Variants in ST3GAL2 observed in about 807,000 individuals in gnomAD.
The protein encoded by ST3GAL2 is CMP-N-acetylneuraminate-beta-galactosamide-alpha-2,3-sialyltransferase 2.
In ST3GAL2, 16 loss-of-function variants were observed where a neutral mutation model predicts 37.5. The ratio of observed to expected loss-of-function variants is 0.43; its 90% CI spans 0.29 to 0.65. ST3GAL2 has a LOEUF of 0.65. Ranked by LOEUF, ST3GAL2 falls within the 30% of genes least tolerant of loss-of-function variation. The pLI is 0.17. For missense variants in ST3GAL2, 383 were observed against 487.8 expected, an observed-to-expected ratio of 0.79 and a Z score of 2.02; for synonymous variants, 238 against 202.9, an observed-to-expected ratio of 1.17 and a Z score of -1.47.
intron 4 of ST3GAL2, among the ~76,000 whole-genome samples, chr16:70,383,676 G>T (rs1250004269): frequency 7.1e-6 from 1 of 140,758 alleles, no homozygotes; most frequent in Non-Finnish European, 1.5e-5. Context: ...AGGAAGAAAA[G>T]ATAACATTTC....
rs1339286777 is a variant in ST3GAL2 at position 70,376,915 on chromosome 16, G to GT, written c.*4773dup. ...TGCCACTAAGCCTGGCCAATTTTTT[G>GT]TATTTTTAGTAGAGACGGGGTTTCA... is the stretch of plus-strand genomic sequence containing the variant. On this transcript the variant is annotated 3_prime_UTR_variant, in exon 7 of 7. Transcript: ENST00000342907. 2.0e-5 allele frequency: 3 copies of GT among 151,852 alleles called. No homozygotes were observed. The highest frequency in any genetic ancestry group is 4.4e-5 in the Non-Finnish European group (3 of 67,972). 9.4% of individuals were successfully genotyped at this position (151,852 alleles called of 1,614,324 possible).
At chr16:70,398,170 G>A (rs982903969) in intron 2 of ST3GAL2, 22 bp downstream of exon 2, 11 of 1,603,670 alleles carry the variant, frequency 6.9e-6, no homozygotes, top group Non-Finnish European at 9.4e-6. Context: ...ACAGATCCCT[G>A]GAAGGGAGCA....
At chr16:70,381,961 C>CG in intron 6 of ST3GAL2, 99 bp from the exon 7 acceptor site, 1 of 1,498,204 alleles carries the variant, frequency 6.7e-7, no homozygotes, top group Non-Finnish European at 9.0e-7. Flanking sequence ...CGGGAGGCCC[C>CG]GGGGAGATGC....
In ST3GAL2 at chr16:70,398,425, A is replaced by T; in HGVS notation, c.106T>A (p.Tyr36Asn). Residue 36 changes from tyrosine to asparagine, a missense_variant, in exon 2 of 7, where the codon TAC becomes AAC. By Grantham distance (143) the Tyr-to-Asn change is moderately radical. This residue lies in a region of ST3GAL2 where 223 missense variants were observed against 239.1 expected (regional missense o/e 0.93). Coordinates refer to ENST00000342907, the MANE Select transcript of ST3GAL2 (RefSeq NM_006927.4). ...YSHHSMATLP[Y>N]LDSGALDGTH... ...CCATCCAGGGCCCCTGAGTCCAGGT[A>T]GGGGAGCGTGGCCATGCTGTGGTGC... 6.2e-7 allele frequency: 1 copy of T among 1,613,664 alleles called. No individual in the cohort carries two copies. The highest frequency in any genetic ancestry group is 8.5e-7 in the Non-Finnish European group (1 of 1,179,980).
intron 1 of ST3GAL2, among the ~76,000 whole-genome samples, chr16:70,424,080 CA>C (rs2047734215): frequency 6.6e-6 from 1 of 150,822 alleles, no homozygotes; most frequent in Non-Finnish European, 1.5e-5. Context: ...CAAAACAAAA[CA>C]AAAAAAGCCA....
In ST3GAL2 at chr16:70,379,419, C is replaced by G. The variant is rs575084448; in HGVS notation, c.*2270G>C. 15 of 152,326 alleles carry G rather than the reference C, an allele frequency of 9.8e-5. No individual in the cohort carries two copies. The highest frequency in any genetic ancestry group is 5.2e-4 in the Admixed American group (8 of 15,286). 9.4% of individuals were successfully genotyped at this position (152,326 alleles called of 1,614,324 possible). ...GGAGTCATCTCGCCCCTCCCATATC[C>G]CCCAACGTTCTCAGCCATTATCAGT... On this transcript the variant is annotated 3_prime_UTR_variant, in exon 7 of 7. Transcript: ENST00000342907.
At position 70,395,205 on chromosome 16, in the gene ST3GAL2, AG is replaced by A. The variant is rs555102417; in HGVS notation, c.340-31del. ...GGAAGGGAGGGGAAGATGGGAAACG[AG>A]GAAGGGGAGAGGTGTGTGAAGAAGG... is the stretch of plus-strand genomic sequence containing the variant. On this transcript the variant is annotated intron_variant, in intron 2 of 6. Transcript: ENST00000342907. 169 of 1,582,630 alleles carry A rather than the reference AG, an allele frequency of 1.1e-4. 2 individuals are homozygous for A. The East Asian group carries it at 3.6e-3, about 34-fold the overall frequency.
intron 1 of ST3GAL2, among the ~76,000 whole-genome samples, chr16:70,435,306 A>C (rs1170211175): frequency 2.0e-5 from 3 of 152,206 alleles, no homozygotes; most frequent in African/African-American, 7.2e-5. Context: ...AAGACTTTAC[A>C]TCTAGCTGGC....
chr16:70,388,031 G>A (rs1360569691), intron 4 of ST3GAL2, among the ~76,000 whole-genome samples: 1 of 151,278 alleles, frequency 6.6e-6, no homozygotes, highest in Non-Finnish European at 1.5e-5. Context: ...AGAATCGCTT[G>A]AACCCGGGAG....
chr16:70,412,023 T>C (rs2047641927), intron 1 of ST3GAL2, among the ~76,000 whole-genome samples: 1 of 152,184 alleles, frequency 6.6e-6, no homozygotes, highest in Admixed American at 6.5e-5. Flanking sequence ...TTAATTCAAT[T>C]TACCAACATA....
chr16:70,434,170 G>T (rs1385180674), intron 1 of ST3GAL2, among the ~76,000 whole-genome samples: 1 of 152,170 alleles, frequency 6.6e-6, no homozygotes, highest in East Asian at 1.9e-4. Flanking sequence ...CAGGCACAGT[G>T]TCTCACACCT....
At chr16:70,416,066 G>C (rs1335639513) in intron 1 of ST3GAL2, among the ~76,000 whole-genome samples, 3 of 151,898 alleles carry the variant, frequency 2.0e-5, no homozygotes, top group Admixed American at 6.6e-5. Context: ...GTGAGCCACC[G>C]AGCCCAGCTT....
intron 1 of ST3GAL2, among the ~76,000 whole-genome samples, chr16:70,438,312 G>T (rs2047840604): frequency 1.3e-5 from 2 of 152,162 alleles, no homozygotes; most frequent in South Asian, 4.1e-4. Flanking sequence ...CCATTCCAAG[G>T]CAGAGAAGGA....
At chr16:70,382,744 G>T (rs534866747) in intron 6 of ST3GAL2, 61 bp downstream of exon 6, 1 of 1,606,032 alleles carries the variant, frequency 6.2e-7, no homozygotes, top group African/African-American at 1.3e-5. Context: ...GCTAAGACCC[G>T]AGAAGGCCTG....
At chr16:70,418,075 T>C (rs1402158783) in intron 1 of ST3GAL2, among the ~76,000 whole-genome samples, 2 of 152,222 alleles carry the variant, frequency 1.3e-5, no homozygotes, top group Non-Finnish European at 1.5e-5. Flanking sequence ...TTTTTCCTTC[T>C]GTACTCGTCT....
At chr16:70,381,988 G>C in intron 6 of ST3GAL2, 126 bp from the exon 7 acceptor site, 1 of 1,240,212 alleles carries the variant, frequency 8.1e-7, no homozygotes, top group Non-Finnish European at 1.1e-6. Flanking sequence ...CCCCAGGCCT[G>C]GCCTAAGGAC....
Position 70,394,990 on chromosome 16 carries a change from GAA to G in ST3GAL2, c.523_524del (p.Phe175HisfsTer13). 2 of 1,612,960 alleles carry G rather than the reference GAA, an allele frequency of 1.2e-6. No individual in the cohort carries two copies. The highest frequency in any genetic ancestry group is 1.7e-6 in the Non-Finnish European group (2 of 1,179,698). On this transcript the variant is annotated frameshift_variant, in exon 3 of 7. Coordinates refer to ENST00000342907, the MANE Select transcript of ST3GAL2 (RefSeq NM_006927.4). LOFTEE classifies it high-confidence loss of function. ...GYGQDVDGHNFIMRMNQAPTV... is the reference protein window; with the variant it reads ...GYGQDVDGHNXIMRMNQAPTV... ...GCTCCACAGGGGCTCACCTCATGATGAAGTTGTGCCCGTCCACGTCCTGCCCA... is the reference window on the plus strand; with the variant it reads ...GCTCCACAGGGGCTCACCTCATGATGGTTGTGCCCGTCCACGTCCTGCCCA...
intron 1 of ST3GAL2, among the ~76,000 whole-genome samples, chr16:70,420,866 G>A (rs1451544025): frequency 6.6e-6 from 1 of 152,226 alleles, no homozygotes; most frequent in East Asian, 1.9e-4. Flanking sequence ...CAGAGTGAAG[G>A]TATAGAAATG....
intron 1 of ST3GAL2, among the ~76,000 whole-genome samples, chr16:70,407,730 G>A (rs2047602397): frequency 6.6e-6 from 1 of 152,174 alleles, no homozygotes; most frequent in South Asian, 2.1e-4. Flanking sequence ...ACCTGATTGA[G>A]GAGCAAAGCA....
Sources: allele counts gnomAD v4.1 joint callset (sites outside exome capture counted in the v4.1 genomes callset), GRCh38; gene constraint gnomAD v4.1.1; regional missense constraint gnomAD v4.1.1; transcripts MANE v1.5; gene names NCBI Gene and HGNC (gene_info 2026-07-23, HGNC 2026-07-21).